IPCEF1: variants seen among roughly 807,000 people sequenced by gnomAD.
IPCEF1 encodes interaction protein for cytohesin exchange factors 1.
IPCEF1 carries 31 observed loss-of-function variants against 50.9 expected under a neutral mutation model. The ratio of observed to expected loss-of-function variants is 0.61; its 90% CI spans 0.46 to 0.82. IPCEF1 has a LOEUF of 0.82. Among genes scored for constraint, IPCEF1 ranks in the 40% least tolerant of loss-of-function variants. The probability of loss-of-function intolerance (pLI) is 0.00; values close to 1 mark genes in which losing one functional copy is unlikely to be tolerated. For synonymous variants in IPCEF1, 181 were observed against 192.0 expected (o/e 0.94, Z 0.47); for missense variants, 458 against 514.0 (o/e 0.89, Z 1.05).
intron 10 of IPCEF1, among the ~76,000 whole-genome samples, chr6:154,186,564 C>CT (rs144402482): frequency 0.081 from 12,061 of 149,268 alleles, 936 homozygotes; most frequent in East Asian, 0.42. Context: ...CTTTTTTTCT[C>CT]TTTTTTTTTT....
At chr6:154,197,781 G>A (rs1485534069) in intron 10 of IPCEF1, among the ~76,000 whole-genome samples, 5 of 152,170 alleles carry the variant, frequency 3.3e-5, no homozygotes, top group Non-Finnish European at 5.9e-5. Context: ...ATGCAAATGG[G>A]ATTTTATTCT....
intron 1 of IPCEF1, among the ~76,000 whole-genome samples, chr6:154,337,528 C>G (rs572308901): frequency 6.6e-6 from 1 of 152,146 alleles, no homozygotes; most frequent in Non-Finnish European, 1.5e-5. Context: ...GGAGACAAGA[C>G]ACAAGTTACA....
chr6:154,261,317 T>G (rs1223277200), intron 3 of IPCEF1, among the ~76,000 whole-genome samples: 1 of 152,122 alleles, frequency 6.6e-6, no homozygotes, highest in African/African-American at 2.4e-5. Context: ...ATGAGCCACT[T>G]CTCCCGGCCT....
chr6:154,275,588 T>C (rs1179630718), intron 2 of IPCEF1, among the ~76,000 whole-genome samples: 3 of 152,228 alleles, frequency 2.0e-5, no homozygotes, highest in Admixed American at 2.0e-4. Flanking sequence ...ATAATTACAT[T>C]TTCTGTCTGC....
chr6:154,163,208 C>T (rs553876444), intron 11 of IPCEF1, among the ~76,000 whole-genome samples: 1 of 152,342 alleles, frequency 6.6e-6, no homozygotes, highest in South Asian at 2.1e-4. Flanking sequence ...GCCCCTCCAG[C>T]CCACTGCTGC....
rs183325003 is a variant in IPCEF1, at chr6:154,342,094, C to T, written c.-62+14578G>A. Among the ~76,000 whole-genome samples, 13 of 152,300 alleles carry T rather than the reference C, an allele frequency of 8.5e-5. 1 individual carries two copies. Among genetic ancestry groups the T allele is most frequent in the Admixed American group, 4.6e-4 (7 of 15,296 alleles). ...AAGGCAAAAGGCCTCAGGCGTCTCCCGAGACTGCTCCCACAGATCATTTGA... is the reference window on the plus strand; with the variant it reads ...AAGGCAAAAGGCCTCAGGCGTCTCCTGAGACTGCTCCCACAGATCATTTGA... On this transcript the variant is annotated intron_variant, in intron 1 of 11. Coordinates refer to ENST00000367220, the MANE Select transcript of IPCEF1 (RefSeq NM_001130700.2).
intron 1 of IPCEF1, among the ~76,000 whole-genome samples, chr6:154,320,311 C>T (rs1783341239): frequency 6.6e-6 from 1 of 152,176 alleles, no homozygotes; most frequent in Non-Finnish European, 1.5e-5. Context: ...AAAACCTTGC[C>T]TTTTTCTTTT....
At chr6:154,261,928 C>A (rs1781612231) in intron 3 of IPCEF1, among the ~76,000 whole-genome samples, 1 of 152,142 alleles carries the variant, frequency 6.6e-6, no homozygotes, top group African/African-American at 2.4e-5. Context: ...AAGTGTAATT[C>A]AAGATGTGAT....
At chr6:154,160,120 A>G in intron 11 of IPCEF1, 80 bp from the exon 12 acceptor site, 1 of 1,056,166 alleles carries the variant, frequency 9.5e-7, no homozygotes, top group Admixed American at 2.4e-5. Context: ...CAACTCTTTT[A>G]CAAGTACACA....
chr6:154,203,673 G>A (rs1213110732), intron 9 of IPCEF1, among the ~76,000 whole-genome samples: 2 of 152,148 alleles, frequency 1.3e-5, no homozygotes, highest in African/African-American at 4.8e-5. Context: ...ACCAAGGGAT[G>A]ACTGGATTGC....
chr6:154,310,853 TG>T (rs1562283946), intron 1 of IPCEF1, among the ~76,000 whole-genome samples: 1 of 151,142 alleles, frequency 6.6e-6, no homozygotes, highest in Non-Finnish European at 1.5e-5. Flanking sequence ...TGGGGATGGT[TG>T]GGGAAGGGTT....
intron 9 of IPCEF1, among the ~76,000 whole-genome samples, chr6:154,211,225 GC>G (rs1356690392): frequency 6.6e-6 from 1 of 151,982 alleles, no homozygotes; most frequent in Admixed American, 6.6e-5. Context: ...GACCATCCTG[GC>G]TAACACGGTG....
At chr6:154,258,695 C>A (rs1781520386) in intron 3 of IPCEF1, among the ~76,000 whole-genome samples, 1 of 152,158 alleles carries the variant, frequency 6.6e-6, no homozygotes, top group Non-Finnish European at 1.5e-5. Context: ...CATATCAGTT[C>A]TCTCTTAAAC....
chr6:154,229,551 G>T (rs1779560920), intron 5 of IPCEF1, among the ~76,000 whole-genome samples: 1 of 151,682 alleles, frequency 6.6e-6, no homozygotes, highest in Non-Finnish European at 1.5e-5. Flanking sequence ...TAGAGATGGG[G>T]TTCGCCGTGT....
intron 2 of IPCEF1, among the ~76,000 whole-genome samples, chr6:154,288,518 C>G (rs1329284298): frequency 6.6e-6 from 1 of 151,862 alleles, no homozygotes; most frequent in Non-Finnish European, 1.5e-5. Flanking sequence ...AAAAAATTAA[C>G]CCGGTGTGGC....
chr6:154,177,849 T>C (rs1462801969), intron 10 of IPCEF1, among the ~76,000 whole-genome samples: 3 of 152,200 alleles, frequency 2.0e-5, no homozygotes, highest in Non-Finnish European at 4.4e-5. Flanking sequence ...CATATGTTTA[T>C]TGTGGCACTA....
chr6:154,214,154 TCACCC>T, intron 8 of IPCEF1, 59 bp downstream of exon 8: 1 of 1,044,716 alleles, frequency 9.6e-7, no homozygotes, highest in Non-Finnish European at 1.5e-6. Context: ...CATTGTTTTT[TCACCC>T]TGTTTCAACC....
intron 10 of IPCEF1, among the ~76,000 whole-genome samples, chr6:154,174,100 T>C (rs1164515609): frequency 6.6e-6 from 1 of 152,042 alleles, no homozygotes; most frequent in Non-Finnish European, 1.5e-5. Flanking sequence ...AGAAATAAAG[T>C]CCTTTACAGA....
chr6:154,286,456 G>A (rs979043571), intron 2 of IPCEF1, among the ~76,000 whole-genome samples: 2 of 152,202 alleles, frequency 1.3e-5, no homozygotes, highest in Admixed American at 6.5e-5. Context: ...AGTAAAAGAC[G>A]AAAATTGTTA....
Sources: allele counts gnomAD v4.1 joint callset (sites outside exome capture counted in the v4.1 genomes callset), GRCh38; gene constraint gnomAD v4.1.1; transcripts MANE v1.5; gene names NCBI Gene and HGNC (gene_info 2026-07-23, HGNC 2026-07-21).